The following MEGF6 variants were observed in gnomAD, a reference collection of about 807,000 sequenced individuals.
The protein encoded by MEGF6 is multiple epidermal growth factor-like domains protein 6.
MEGF6 carries 184 observed loss-of-function variants against 207.1 expected under a neutral mutation model. That is an observed-to-expected ratio of 0.89 (90% CI 0.79 to 1.00). The LOEUF is 1.00. Among genes scored for constraint, MEGF6 ranks in the 50% least tolerant of loss-of-function variants. MEGF6 has a pLI of 0.00. For missense variants in MEGF6, 2,282 were observed against 2,202.9 expected (o/e 1.04, Z -0.72); for synonymous variants, 1,038 against 910.0 (o/e 1.14, Z -2.53).
rs766994099 is a variant in MEGF6 at position 3,551,470 on chromosome 1, TC to T, written c.482-27225del. Among the ~76,000 whole-genome samples the T allele has an allele frequency of 2.0e-4, 30 of 151,882 alleles. No individual in the cohort carries two copies. The East Asian group carries it at 2.7e-3, about 14-fold the overall frequency. On this transcript the variant is annotated intron_variant, in intron 4 of 36. Transcript: ENST00000356575. ...TCCACACATCACTCTGGGCAGTGCC[TC>T]CCCTGGGACCAGGCACTGGCCATGT...
rs748432161 is a variant in MEGF6 at position 3,515,424 on chromosome 1, C to A, written c.708G>T (p.Gln236His). Reference protein sequence around the residue: ...RCQCRPGFQLQEDGRHCVRRS... With the variant: ...RCQCRPGFQLHEDGRHCVRRS... ...CACGGACACAATGCCTGCCGTCCTCCTGGAGCTGGAACCCGGGCCGGCACT... is the reference window on the plus strand; with the variant it reads ...CACGGACACAATGCCTGCCGTCCTCATGGAGCTGGAACCCGGGCCGGCACT... Residue 236 changes from glutamine (Q) to histidine (H), a missense_variant, in exon 6 of 37, where the codon CAG becomes CAT. Gln to His is a conservative substitution (Grantham distance 24). Transcript: ENST00000356575. 1.2e-6 allele frequency: 2 copies of A among 1,612,420 alleles called. No homozygotes were observed. The highest frequency in any genetic ancestry group is 1.7e-6 in the Non-Finnish European group (2 of 1,179,822).
chr1:3,552,659 C>T (rs1356870207), intron 4 of MEGF6, among the ~76,000 whole-genome samples: 1 of 152,182 alleles, frequency 6.6e-6, no homozygotes, highest in South Asian at 2.1e-4. Context: ...GGTCACACCA[C>T]GGCACTCCAG....
At chr1:3,500,211 T>C (rs1485633214) in intron 21 of MEGF6, among the ~76,000 whole-genome samples, 1 of 152,138 alleles carries the variant, frequency 6.6e-6, no homozygotes, top group African/African-American at 2.4e-5. Context: ...CAACCAAGCC[T>C]CGGGGGCACA....
chr1:3,501,656 G>A (rs1221334023), intron 18 of MEGF6, 140 bp downstream of exon 18: 3 of 1,251,372 alleles, frequency 2.4e-6, no homozygotes, highest in Non-Finnish European at 3.2e-6. Context: ...CCCTACCCCA[G>A]GGGAGTGCAC....
At chr1:3,532,080 G>A (rs1007264575) in intron 4 of MEGF6, among the ~76,000 whole-genome samples, 5 of 152,250 alleles carry the variant, frequency 3.3e-5, no homozygotes, top group Non-Finnish European at 2.9e-5. Context: ...AGAGCAGGGA[G>A]AACTTGCCTG....
intron 4 of MEGF6, among the ~76,000 whole-genome samples, chr1:3,538,120 C>T (rs1226221672): frequency 3.9e-5 from 6 of 152,240 alleles, no homozygotes; most frequent in Non-Finnish European, 8.8e-5. Flanking sequence ...GCCACCCCGC[C>T]CCTGCAAGTG....
chr1:3,592,208 C>A (rs1197379785), intron 3 of MEGF6, among the ~76,000 whole-genome samples: 2 of 152,210 alleles, frequency 1.3e-5, no homozygotes, highest in Non-Finnish European at 2.9e-5. Flanking sequence ...CAGGTCCCGG[C>A]GTGCAGCCCA....
Position 3,510,921 on chromosome 1 carries a change from G to A in MEGF6, c.1115-19C>T, listed in dbSNP as rs2794360. On this transcript the variant is annotated intron_variant, in intron 9 of 36. Transcript: ENST00000356575. ...TCGACATCTGTGGAGCACACGCCACGGGCCCCCTGGTACCAGGCACCTGCA... is the reference window on the plus strand; with the variant it reads ...TCGACATCTGTGGAGCACACGCCACAGGCCCCCTGGTACCAGGCACCTGCA... The A allele has an allele frequency of 0.096, 152,108 of 1,588,250 alleles. 8,399 individuals carry two copies. The highest frequency in any genetic ancestry group is 0.18 in the Admixed American group (10,875 of 59,076).
chr1:3,506,320 G>A (rs1641117819), intron 14 of MEGF6, 84 bp from the exon 15 acceptor site: 9 of 1,490,954 alleles, frequency 6.0e-6, no homozygotes, highest in Admixed American at 2.1e-5. Flanking sequence ...ATGCGCGGGG[G>A]CCCAGGGCCC....
At chr1:3,517,738 G>A (rs572510550) in intron 5 of MEGF6, among the ~76,000 whole-genome samples, 23 of 152,320 alleles carry the variant, frequency 1.5e-4, no homozygotes, top group African/African-American at 3.8e-4. Context: ...GCTCAGACCC[G>A]GCAAAGCTGA....
At position 3,508,709 on chromosome 1, in the gene MEGF6, G is replaced by A. The variant is rs1486121272; in HGVS notation, c.1529-20C>T. 9 of 1,611,292 alleles carry A rather than the reference G, an allele frequency of 5.6e-6. No homozygotes were observed. Among genetic ancestry groups the A allele is most frequent in the Non-Finnish European group, 7.6e-6 (9 of 1,179,012 alleles). On this transcript the variant is annotated intron_variant, in intron 12 of 36. Transcript: ENST00000356575. ...GGCAGACTGGGGGCAGACCAGGATG[G>A]GGGGATTCAGAGCCTGACCCCTGGC...
chr1:3,611,023 G>A, intron 1 of MEGF6, 115 bp downstream of exon 1: 1 of 1,278,000 alleles, frequency 7.8e-7, no homozygotes, highest in Non-Finnish European at 1.0e-6. Context: ...AACGCAAACA[G>A]CCCATTGTTC....
intron 25 of MEGF6, 37 bp downstream of exon 25, chr1:3,498,661 G>A: frequency 6.5e-7 from 1 of 1,527,852 alleles, no homozygotes; most frequent in South Asian, 1.2e-5. Flanking sequence ...CACCAAGCAT[G>A]CTGGGGTATG....
chr1:3,609,633 G>T (rs1644298937), intron 1 of MEGF6, among the ~76,000 whole-genome samples: 2 of 152,240 alleles, frequency 1.3e-5, no homozygotes, highest in Admixed American at 6.5e-5. Flanking sequence ...CTTGGAGAAA[G>T]GATGAGCAAA....
chr1:3,526,485 C>T (rs1641968042), intron 4 of MEGF6, among the ~76,000 whole-genome samples: 1 of 151,684 alleles, frequency 6.6e-6, no homozygotes, highest in Non-Finnish European at 1.5e-5. Context: ...GCAACCTCCA[C>T]CTCCCAGGTT....
At chr1:3,513,131 C>T (rs11587354) in intron 7 of MEGF6, among the ~76,000 whole-genome samples, 5 of 152,144 alleles carry the variant, frequency 3.3e-5, no homozygotes, top group South Asian at 2.1e-4. Flanking sequence ...CCATCCCATA[C>T]GTCTAGGTGT....
chr1:3,508,740 C>A, intron 12 of MEGF6, 51 bp from the exon 13 acceptor site: 1 of 1,598,096 alleles, frequency 6.3e-7, no homozygotes, highest in Non-Finnish European at 8.5e-7. Context: ...CTGGCCTCAG[C>A]AGGCACAGAG....
At chr1:3,512,438 C>T (rs981861204) in intron 7 of MEGF6, among the ~76,000 whole-genome samples, 20 of 152,218 alleles carry the variant, frequency 1.3e-4, no homozygotes, top group South Asian at 6.2e-4. Flanking sequence ...CGTGGCCATC[C>T]GGCGGGGGCC....
intron 18 of MEGF6, 58 bp downstream of exon 18, chr1:3,501,736 CCA>C (rs1569963850): frequency 6.3e-7 from 1 of 1,576,390 alleles, no homozygotes; most frequent in East Asian, 2.3e-5. Flanking sequence ...GTTCAGGGCC[CCA>C]CCAGCTTGGA....
Sources: gnomAD v4.1 joint callset for allele counts (sites outside exome capture counted in the v4.1 genomes callset) on GRCh38, gnomAD v4.1.1 for gene constraint, MANE v1.5 for transcripts, NCBI Gene and HGNC (gene_info 2026-07-23, HGNC 2026-07-21) for gene names.